Variants in ITGB3 observed in about 807,000 individuals in gnomAD.
The protein encoded by ITGB3 is integrin subunit beta 3.
In ITGB3, 48 loss-of-function variants were observed where a neutral mutation model predicts 85.8. That is an observed-to-expected ratio of 0.56 (90% CI 0.44 to 0.71). ITGB3 has a LOEUF of 0.71. Ranked by LOEUF, ITGB3 falls within the 30% of genes least tolerant of loss-of-function variation. ITGB3 has a pLI of 0.00. For synonymous variants in ITGB3, 363 were observed against 395.6 expected (o/e 0.92, Z 0.98); for missense variants, 861 against 1,019.1 (o/e 0.84, Z 2.11).
rs775926061 is a variant in ITGB3 at position 47,293,153 on chromosome 17, TG to T, written c.1690+586del. On this transcript the variant is annotated intron_variant, in intron 10 of 14. Transcript: ENST00000559488. ...TGGACAGATCTAGAACATTTCAACG[TG>T]ATAGAAAGTTCTCTTGGATAGCACT... Among the ~76,000 whole-genome samples, 12 of 152,320 alleles carry T rather than the reference TG, an allele frequency of 7.9e-5. 1 individual carries two copies. Among genetic ancestry groups the T allele is most frequent in the Middle Eastern group, 3.4e-3 (1 of 294 alleles).
At chr17:47,285,497 C>T (rs997438705) in intron 4 of ITGB3, among the ~76,000 whole-genome samples, 9 of 152,168 alleles carry the variant, frequency 5.9e-5, no homozygotes, top group African/African-American at 2.2e-4. Context: ...TGCCTGCAGT[C>T]CCCAGGACTA....
At chr17:47,288,482 G>A (rs2065112785) in intron 6 of ITGB3, among the ~76,000 whole-genome samples, 1 of 152,128 alleles carries the variant, frequency 6.6e-6, no homozygotes, top group Non-Finnish European at 1.5e-5. Context: ...CTAGGTATCT[G>A]GGGCAGGTGT....
Position 47,291,029 on chromosome 17 carries a change from C to G in ITGB3, c.1201C>G (p.Leu401Val), listed in dbSNP as rs746384046. ...GTCTCTATCCTTCAATGCCACCTGC[C>G]TCAACAATGAGGTCATCCCTGGCCT... ...ELSLSFNATC[L>V]NNEVIPGLKS... is the part of the protein sequence containing the mutation. The change falls in exon 9 of 15, where the codon CTC (leucine) becomes GTC (valine). Residue 401 changes from leucine (L) to valine (V), a missense_variant. Coordinates refer to ENST00000559488, the MANE Select transcript of ITGB3 (RefSeq NM_000212.3). The G allele has an allele frequency of 6.2e-7, 1 of 1,614,152 alleles. No individual in the cohort carries two copies. The highest frequency in any genetic ancestry group is 8.5e-7 in the Non-Finnish European group (1 of 1,179,994).
intron 9 of ITGB3, 90 bp from the exon 10 acceptor site, chr17:47,292,049 G>A: frequency 7.4e-7 from 1 of 1,356,648 alleles, no homozygotes; most frequent in Non-Finnish European, 1.0e-6. Flanking sequence ...GTATTCCTTG[G>A]CAGGGCAGGG....
intron 1 of ITGB3, among the ~76,000 whole-genome samples, chr17:47,270,949 A>G (rs896692562): frequency 3.9e-5 from 6 of 152,224 alleles, no homozygotes; most frequent in Non-Finnish European, 7.3e-5. Context: ...TTGAGAAATG[A>G]GCTCAGTTGC....
intron 13 of ITGB3, among the ~76,000 whole-genome samples, chr17:47,303,192 G>A (rs1277709409): frequency 5.9e-5 from 9 of 152,144 alleles, no homozygotes; most frequent in Admixed American, 5.9e-4. Flanking sequence ...ACAGGTTGCA[G>A]TGAGCTGAGA....
intron 1 of ITGB3, among the ~76,000 whole-genome samples, chr17:47,254,910 A>G (rs1222418379): frequency 2.0e-5 from 3 of 152,090 alleles, no homozygotes; most frequent in Non-Finnish European, 2.9e-5. Context: ...TTTTAATAAA[A>G]ACTGTAGTAC....
intron 2 of ITGB3, among the ~76,000 whole-genome samples, chr17:47,281,625 G>T (rs1265949403): frequency 2.0e-5 from 3 of 152,114 alleles, no homozygotes; most frequent in Non-Finnish European, 2.9e-5. Flanking sequence ...TTTTTGGAAG[G>T]GTACTCAATT....
At chr17:47,292,103 C>A (rs751474728) in intron 9 of ITGB3, 36 bp from the exon 10 acceptor site, 1 of 1,610,000 alleles carries the variant, frequency 6.2e-7, no homozygotes, top group African/African-American at 1.3e-5. Flanking sequence ...TAACTGGGCC[C>A]AACTGTGTCT....
At chr17:47,270,838 C>T (rs1220556462) in intron 1 of ITGB3, among the ~76,000 whole-genome samples, 1 of 152,152 alleles carries the variant, frequency 6.6e-6, no homozygotes, top group African/African-American at 2.4e-5. Flanking sequence ...AAGGATTCCG[C>T]ATATAATCTA....
chr17:47,263,811 G>A (rs1414244433), intron 1 of ITGB3, among the ~76,000 whole-genome samples: 1 of 152,172 alleles, frequency 6.6e-6, no homozygotes, highest in Admixed American at 6.5e-5. Flanking sequence ...TTTTCTTACA[G>A]CATGAAGGGT....
chr17:47,299,656 C>A lies in ITGB3; in HGVS notation c.1913+126C>A. The A allele has an allele frequency of 1.1e-6, 1 of 898,220 alleles. No individual in the cohort carries two copies. The highest frequency in any genetic ancestry group is 1.8e-6 in the Non-Finnish European group (1 of 561,596). The allele number at this position is 898,220 out of a possible 1,614,324, so 55.6% of individuals were successfully genotyped here. On this transcript the variant is annotated intron_variant, in intron 11 of 14. Coordinates refer to ENST00000559488, the MANE Select transcript of ITGB3 (RefSeq NM_000212.3). The surrounding 1 kb of genome is among the most constrained non-coding windows in gnomAD (Gnocchi z 5.1). ...CCTTAGGGAGAGGAGTCCACTCCAG[C>A]CAGATGGCTGTCTCTCCTTTTGCCA...
In ITGB3 at chr17:47,284,499, A is replaced by C. The variant is rs1362212814; in HGVS notation, c.418A>C (p.Ile140Leu). The change falls in exon 4 of 15, where the codon ATC becomes CTC. Residue 140 changes from isoleucine (I) to leucine (L), a missense_variant. Physicochemically the swap from Ile to Leu is conservative, Grantham distance 5. Coordinates refer to ENST00000559488, the MANE Select transcript of ITGB3 (RefSeq NM_000212.3). ...GCAGGTGGAGGATTACCCTGTGGAC[A>C]TCTACTACTTGATGGACCTGTCTTA... ...VRQVEDYPVD[I>L]YYLMDLSYSM... is the part of the protein sequence containing the mutation. The C allele has an allele frequency of 1.2e-6, 2 of 1,614,152 alleles. No individual in the cohort carries two copies. Among genetic ancestry groups the C allele is most frequent in the South Asian group, 2.2e-5 (2 of 91,072 alleles).
chr17:47,280,687 C>A (rs889401487), intron 2 of ITGB3, among the ~76,000 whole-genome samples: 1 of 152,136 alleles, frequency 6.6e-6, no homozygotes, highest in African/African-American at 2.4e-5. Flanking sequence ...TGAATGGCTC[C>A]TTGTGGCCCA....
intron 14 of ITGB3, among the ~76,000 whole-genome samples, chr17:47,309,003 C>T (rs2065202257): frequency 1.5e-5 from 2 of 137,042 alleles, no homozygotes; most frequent in Admixed American, 7.3e-5. Flanking sequence ...TCCTCCCCTC[C>T]CCTTCCCTTC....
intron 14 of ITGB3, among the ~76,000 whole-genome samples, chr17:47,309,113 T>A (rs1411924034): frequency 6.6e-6 from 1 of 151,094 alleles, no homozygotes; most frequent in Non-Finnish European, 1.5e-5. Context: ...AGTGGTGCCA[T>A]CATGGCTCAA....
intron 1 of ITGB3, among the ~76,000 whole-genome samples, chr17:47,265,304 T>C (rs2065021501): frequency 6.6e-6 from 1 of 152,352 alleles, no homozygotes; most frequent in South Asian, 2.1e-4. Context: ...TTAGGGCTGT[T>C]GTAACAAAGC....
chr17:47,309,591 C>G (rs2065204863), intron 14 of ITGB3, among the ~76,000 whole-genome samples: 1 of 152,068 alleles, frequency 6.6e-6, no homozygotes, highest in South Asian at 2.1e-4. Context: ...CTGAATATAG[C>G]TCCTTAGAAA....
intron 10 of ITGB3, among the ~76,000 whole-genome samples, chr17:47,296,422 C>T (rs887967366): frequency 2.0e-5 from 3 of 151,988 alleles, no homozygotes; most frequent in Non-Finnish European, 2.9e-5. Context: ...TTTGTAGAGA[C>T]GGGATCTCGC....
Sources: gnomAD v4.1 joint callset for allele counts (sites outside exome capture counted in the v4.1 genomes callset) on GRCh38, gnomAD v4.1.1 for gene constraint, Gnocchi (gnomAD v3.1) non-coding constraint, MANE v1.5 for transcripts, NCBI Gene and HGNC (gene_info 2026-07-23, HGNC 2026-07-21) for gene names.